The following GRIP2 variants were observed in gnomAD, a reference collection of about 807,000 sequenced individuals.
GRIP2 encodes glutamate receptor interacting protein 2.
Under a neutral mutation model 108.3 loss-of-function variants are expected in GRIP2, and 58 were observed. The ratio of observed to expected loss-of-function variants is 0.54; its 90% confidence interval spans 0.43 to 0.67. The LOEUF (loss-of-function observed/expected upper bound fraction) is 0.67, where lower values mean the gene tolerates loss of function less well. Among genes scored for constraint, GRIP2 ranks in the 30% least tolerant of loss-of-function variants. The pLI is 0.00. For synonymous variants in GRIP2, 586 were observed against 598.2 expected (o/e 0.98, Z 0.30); for missense variants, 1,278 against 1,430.6 (o/e 0.89, Z 1.72).
chr3:14,544,000 T>C (rs897387279), upstream of GRIP2, among the ~76,000 whole-genome samples: 1 of 152,190 alleles, frequency 6.6e-6, no homozygotes, highest in Non-Finnish European at 1.5e-5. Context: ...ATCCACCCAC[T>C]TGCCCGCCAA....
chr3:14,577,759 C>T, the GRIP2 span, among the ~76,000 whole-genome samples: 1 of 152,102 alleles, frequency 6.6e-6, no homozygotes, highest in Non-Finnish European at 1.5e-5. Context: ...TCACATGCAC[C>T]CTAGGTGCAT....
rs66622582 is a variant in GRIP2 at position 14,522,080 on chromosome 3, G to C, written c.567-293C>G. On this transcript the variant is annotated intron_variant, in intron 6 of 23. Transcript: ENST00000621039. This position sits in a 1 kb window ranked among gnomAD's most constrained non-coding sequence, Gnocchi z 4.3. Reference sequence around the variant, plus strand: ...CAGACTCAGTGCAGAACCCTGAAATGTCTGAGCTGGGGGTGCTCTTCAAGC... The same window carrying C: ...CAGACTCAGTGCAGAACCCTGAAATCTCTGAGCTGGGGGTGCTCTTCAAGC... The C allele has an allele frequency of 2.7e-6, 1 of 364,392 alleles. No homozygotes were observed. The highest frequency in any genetic ancestry group is 5.2e-5 in the East Asian group (1 of 19,210). 22.6% of individuals were successfully genotyped at this position (364,392 alleles called of 1,614,324 possible). A position where few individuals can be genotyped will look rare whatever the true frequency, so the allele number is the denominator to read the frequency against.
In GRIP2 at chr3:14,503,694, C is replaced by T. The variant is rs1296136263; in HGVS notation, c.2574-23G>A. On this transcript the variant is annotated intron_variant, in intron 20 of 23. Transcript: ENST00000621039. ...GGGCTGTAACGTAGGAACCAGAGAG[C>T]GTCAACTCCTGGCAGGCGGGTGGGC... The T allele has an allele frequency of 1.2e-5, 10 of 817,676 alleles. No homozygotes were observed. The East Asian group carries it at 2.0e-4, about 17-fold the overall frequency. The allele number at this position is 817,676 out of a possible 1,614,324, so 50.7% of individuals were successfully genotyped here.
At position 14,505,328 on chromosome 3, in the gene GRIP2, G is replaced by C. The variant is rs1174649516; in HGVS notation, c.2573+287C>G. 6.6e-6 allele frequency among the ~76,000 whole-genome samples: 1 copy of C among 152,132 alleles called. No individual in the cohort carries two copies. The highest frequency in any genetic ancestry group is 1.5e-5 in the Non-Finnish European group (1 of 67,992). ...AGGTGGGCCTGGGTTCAAGTTCTGA[G>C]TCTGCTGCTCTTCTGAGAACAGGAG... On this transcript the variant is annotated intron_variant, in intron 20 of 23. Coordinates refer to ENST00000621039, the MANE Select transcript of GRIP2 (RefSeq NM_001080423.4). The surrounding 1 kb of genome is among the most constrained non-coding windows in gnomAD (Gnocchi z 4.2).
upstream of GRIP2, among the ~76,000 whole-genome samples, chr3:14,546,659 G>A (rs547017751): frequency 1.3e-5 from 2 of 152,318 alleles, no homozygotes; most frequent in South Asian, 4.1e-4. Context: ...GCTATAAACA[G>A]GCGAGGCACA....
At chr3:14,581,976 G>A in the GRIP2 span, among the ~76,000 whole-genome samples, 4 of 152,196 alleles carry the variant, frequency 2.6e-5, no homozygotes, top group African/African-American at 9.6e-5. Context: ...AAAGACTTGA[G>A]AGAGGGGAGA....
upstream of GRIP2, among the ~76,000 whole-genome samples, chr3:14,544,573 A>G (rs1186924198): frequency 6.6e-6 from 1 of 152,176 alleles, no homozygotes; most frequent in Non-Finnish European, 1.5e-5. Flanking sequence ...GCCCTGAGTG[A>G]CAGCCGGAAA....
At chr3:14,563,264 A>G in the GRIP2 span, among the ~76,000 whole-genome samples, 1 of 152,168 alleles carries the variant, frequency 6.6e-6, no homozygotes, top group Non-Finnish European at 1.5e-5. Flanking sequence ...ATCTGTGGAG[A>G]TACAGATGAA....
At chr3:14,501,869 T>C (rs1180603988) in intron 21 of GRIP2, among the ~76,000 whole-genome samples, 3 of 152,114 alleles carry the variant, frequency 2.0e-5, no homozygotes, top group Non-Finnish European at 2.9e-5. Context: ...TTAAAGATAA[T>C]TGCTACAAGA....
chr3:14,594,154 G>A, the GRIP2 span, among the ~76,000 whole-genome samples: 1 of 152,202 alleles, frequency 6.6e-6, no homozygotes, highest in African/African-American at 2.4e-5. Flanking sequence ...ACTGCTCTGA[G>A]CCCTCCCAGG....
chr3:14,525,740 G>T, intron 2 of GRIP2, 111 bp downstream of exon 2: 1 of 1,306,044 alleles, frequency 7.7e-7, no homozygotes, highest in Non-Finnish European at 1.1e-6. Context: ...TTAAGTGGCT[G>T]GTCTAAGGTC....
upstream of GRIP2, among the ~76,000 whole-genome samples, chr3:14,542,856 C>T (rs1251055706): frequency 6.6e-6 from 1 of 152,208 alleles, no homozygotes; most frequent in Non-Finnish European, 1.5e-5. Flanking sequence ...GGTTAAGCAA[C>T]TTGCCCAAGG....
At chr3:14,551,263 G>T (rs1193738741) in intron 1 of GRIP2, among the ~76,000 whole-genome samples, 1 of 152,232 alleles carries the variant, frequency 6.6e-6, no homozygotes, top group African/African-American at 2.4e-5. Flanking sequence ...AGATGGTCCT[G>T]CTGGACTGAA....
intron 1 of GRIP2, among the ~76,000 whole-genome samples, chr3:14,551,072 G>A (rs1401952805): frequency 6.6e-6 from 1 of 152,182 alleles, no homozygotes; most frequent in Non-Finnish European, 1.5e-5. Context: ...GCAGGGCTGG[G>A]GGCCCAGAAG....
intron 22 of GRIP2, among the ~76,000 whole-genome samples, chr3:14,495,227 G>A (rs116285841): frequency 0.02 from 3,049 of 152,114 alleles, 35 homozygotes; most frequent in Non-Finnish European, 0.028. Context: ...GCCCTTAGGA[G>A]TGACTTCCTT....
rs1320891881 is a variant in GRIP2 at position 14,493,659 on chromosome 3, C to G, written c.*6G>C. ...GCCCCTTAGGAGTTCGGCCCACATG[C>G]TGACTTCAGAGCATCCGGGGACTGC... is the stretch of plus-strand genomic sequence containing the variant. On this transcript the variant is annotated 3_prime_UTR_variant, in exon 24 of 24. Transcript: ENST00000621039. 1 of 1,592,658 alleles carries G rather than the reference C, an allele frequency of 6.3e-7. No individual in the cohort carries two copies. The highest frequency in any genetic ancestry group is 1.9e-4 in the Middle Eastern group (1 of 5,350).
At chr3:14,541,743 C>T (rs770319979), upstream of GRIP2, 48 of 563,240 alleles carry the variant, frequency 8.5e-5, no homozygotes, top group Non-Finnish European at 1.4e-4. Flanking sequence ...GCAAGTTTCC[C>T]TTGACCAGCA....
rs1390939211 is a variant in GRIP2, at chr3:14,511,223, G to T, written c.1875C>A (p.Ile625=). 1 of 1,613,984 alleles carries T rather than the reference G, an allele frequency of 6.2e-7. No individual in the cohort carries two copies. Among genetic ancestry groups the T allele is most frequent in the Admixed American group, 1.7e-5 (1 of 60,020 alleles). The part of the protein sequence containing the change: ...DNCPMEDAVQ[I]LRQCEDLVKL... The stretch of plus-strand genomic sequence containing the variant: ...TCACCAGGTCCTCGCACTGCCGCAG[G>T]ATTTGCACGGCGTCCTCCATGGGGC... The change falls in exon 16 of 24, where the codon ATC becomes ATA. Residue 625 remains isoleucine (I), a synonymous_variant. Transcript: ENST00000621039. This position sits in a 1 kb window ranked among gnomAD's most constrained non-coding sequence, Gnocchi z 4.1.
At chr3:14,584,050 A>C in the GRIP2 span, among the ~76,000 whole-genome samples, 1 of 152,240 alleles carries the variant, frequency 6.6e-6, no homozygotes, top group Non-Finnish European at 1.5e-5. Flanking sequence ...AAAGGTGGGC[A>C]TATTGCCATC....
Sources: allele counts gnomAD v4.1 joint callset (sites outside exome capture counted in the v4.1 genomes callset), GRCh38; gene constraint gnomAD v4.1.1; non-coding constraint Gnocchi (gnomAD v3.1); transcripts MANE v1.5; gene names NCBI Gene and HGNC (gene_info 2026-07-23, HGNC 2026-07-21).